Variants in TUBA1C observed in about 807,000 individuals in gnomAD.
TUBA1C encodes tubulin alpha-1C chain.
In TUBA1C, 16 loss-of-function variants were observed where a neutral mutation model predicts 34.9. The ratio of observed to expected loss-of-function variants is 0.46; its 90% confidence interval spans 0.31 to 0.70. The LOEUF is 0.70. Ranked by LOEUF, TUBA1C falls within the 30% of genes least tolerant of loss-of-function variation. The pLI is 0.05. For synonymous variants in TUBA1C, 177 were observed against 215.9 expected (o/e 0.82, Z 1.58); for missense variants, 329 against 587.3 (o/e 0.56, Z 4.55).
chr12:49,233,558 T>A (rs1319689104), intron 1 of TUBA1C: 1 of 152,144 alleles, frequency 6.6e-6, no homozygotes, highest in African/African-American at 2.4e-5. Context: ...CCAATTACCG[T>A]GTTTCTGGTG....
At chr12:49,272,148 A>C (rs1346753513) in intron 3 of TUBA1C, 105 bp from the exon 4 acceptor site, 1 of 1,514,644 alleles carries the variant, frequency 6.6e-7, no homozygotes, top group Non-Finnish European at 8.8e-7. Context: ...TTAAAATTGC[A>C]ATTGGAGTAG....
At chr12:49,229,297 C>T (rs984030158) in intron 1 of TUBA1C, among the ~76,000 whole-genome samples, 1 of 152,066 alleles carries the variant, frequency 6.6e-6, no homozygotes, top group African/African-American at 2.4e-5. Flanking sequence ...CTCAGCCTCC[C>T]GAATAACTAG....
chr12:49,264,259 A>G (rs1215518479), upstream of TUBA1C, among the ~76,000 whole-genome samples: 2 of 152,170 alleles, frequency 1.3e-5, no homozygotes, highest in African/African-American at 4.8e-5. Context: ...ATAGTTAGCA[A>G]TCAAAAAATG....
intron 1 of TUBA1C, among the ~76,000 whole-genome samples, chr12:49,269,041 C>T (rs1207487822): frequency 6.6e-6 from 1 of 152,134 alleles, no homozygotes; most frequent in Non-Finnish European, 1.5e-5. Flanking sequence ...AGTCCCTGAG[C>T]AGGAGTGGCC....
At chr12:49,255,572 T>C (rs541859153) in intron 1 of TUBA1C, among the ~76,000 whole-genome samples, 13 of 151,972 alleles carry the variant, frequency 8.6e-5, no homozygotes, top group Non-Finnish European at 1.9e-4. Flanking sequence ...TTCTTTTTGT[T>C]TTTCGAGACT....
At chr12:49,237,359 G>A (rs1241276888) in intron 1 of TUBA1C, among the ~76,000 whole-genome samples, 6 of 151,936 alleles carry the variant, frequency 3.9e-5, no homozygotes, top group Middle Eastern at 6.8e-3. Context: ...CGGAGGTTGC[G>A]GTGAGCCGAG....
At chr12:49,240,567 G>T (rs1316685748) in intron 1 of TUBA1C, among the ~76,000 whole-genome samples, 1 of 152,072 alleles carries the variant, frequency 6.6e-6, no homozygotes, top group African/African-American at 2.4e-5. Context: ...GCACCTCCAA[G>T]TTCCCCATTG....
chr12:49,246,719 A>C (rs949345760), intron 1 of TUBA1C, among the ~76,000 whole-genome samples: 16 of 152,196 alleles, frequency 1.1e-4, no homozygotes, highest in Non-Finnish European at 2.4e-4. Context: ...TTCCTAAAAC[A>C]TGCAGAAATG....
exon 1 of TUBA1C, chr12:49,227,986 A>G (rs1158849654): frequency 2.6e-6 from 4 of 1,535,726 alleles, no homozygotes; most frequent in South Asian, 2.4e-5. Context: ...TGGAGGAGCT[A>G]GGGAGGGATG....
At chr12:49,239,365 G>T (rs772904579) in intron 1 of TUBA1C, among the ~76,000 whole-genome samples, 1 of 152,280 alleles carries the variant, frequency 6.6e-6, no homozygotes, top group South Asian at 2.1e-4. Flanking sequence ...AGTTGGCCGC[G>T]TGGGGTGGCT....
intron 1 of TUBA1C, among the ~76,000 whole-genome samples, chr12:49,232,531 C>G (rs918823857): frequency 7.2e-5 from 11 of 152,148 alleles, no homozygotes; most frequent in Non-Finnish European, 1.6e-4. Flanking sequence ...TCTTGATCCC[C>G]CACTTAAATC....
At chr12:49,266,819 A>T (rs1184320899) in intron 1 of TUBA1C, among the ~76,000 whole-genome samples, 1 of 152,250 alleles carries the variant, frequency 6.6e-6, no homozygotes, top group Non-Finnish European at 1.5e-5. Flanking sequence ...ACTGCACTCC[A>T]GCGAGACCTT....
At chr12:49,265,455 AC>A (rs1942894541) in intron 1 of TUBA1C, among the ~76,000 whole-genome samples, 1 of 152,226 alleles carries the variant, frequency 6.6e-6, no homozygotes, top group Non-Finnish European at 1.5e-5. Context: ...AGGGCCCGCT[AC>A]TGCCCTAGGG....
At chr12:49,264,352 T>C (rs756143179), upstream of TUBA1C, among the ~76,000 whole-genome samples, 2 of 152,208 alleles carry the variant, frequency 1.3e-5, no homozygotes, top group Non-Finnish European at 2.9e-5. Flanking sequence ...AAGGCTCATT[T>C]AAAGAGGACG....
At chr12:49,272,136 T>G in intron 3 of TUBA1C, 117 bp from the exon 4 acceptor site, 1 of 1,497,754 alleles carries the variant, frequency 6.7e-7, no homozygotes, top group South Asian at 1.4e-5. Context: ...CCCAGAAGAG[T>G]TTTAAAATTG....
intron 3 of TUBA1C, among the ~76,000 whole-genome samples, chr12:49,271,815 T>G (rs1288859966): frequency 1.3e-5 from 2 of 152,200 alleles, no homozygotes; most frequent in Non-Finnish European, 2.9e-5. Flanking sequence ...AGAGGCTGCC[T>G]TCCCAGTTAC....
intron 1 of TUBA1C, among the ~76,000 whole-genome samples, chr12:49,240,035 GACACAC>G (rs5798100): frequency 0.044 from 6,161 of 138,704 alleles, 151 homozygotes; most frequent in East Asian, 0.091. Context: ...TCAGAGCACA[GACACAC>G]ACACACACAC....
At chr12:49,262,333 C>T (rs187539851), upstream of TUBA1C, among the ~76,000 whole-genome samples, 255 of 139,042 alleles carry the variant, frequency 1.8e-3, 1 homozygote, top group Non-Finnish European at 3.0e-3. Flanking sequence ...AAGAGGATTG[C>T]TTGAGCCCAA....
intron 1 of TUBA1C, among the ~76,000 whole-genome samples, chr12:49,245,087 T>G (rs1035407819): frequency 1.3e-5 from 2 of 152,250 alleles, no homozygotes; most frequent in Admixed American, 6.6e-5. Flanking sequence ...AAATGATAAT[T>G]TTTGATAAGA....
Sources: allele counts gnomAD v4.1 joint callset (sites outside exome capture counted in the v4.1 genomes callset), GRCh38; gene constraint gnomAD v4.1.1; transcripts MANE v1.5; gene names NCBI Gene and HGNC (gene_info 2026-07-23, HGNC 2026-07-21).